NEGR1: variants seen among roughly 807,000 people sequenced by gnomAD.
NEGR1 encodes the protein neuronal growth regulator 1, also known as IgLON family member 4.
Under a neutral mutation model 40.9 loss-of-function variants are expected in NEGR1, and 10 were observed. That is an observed-to-expected ratio of 0.24 (90% CI 0.15 to 0.42). The LOEUF (loss-of-function observed/expected upper bound fraction) is 0.42, where lower values mean the gene tolerates loss of function less well. Ranked by LOEUF, NEGR1 falls within the 10% of genes least tolerant of loss-of-function variation. NEGR1 has a pLI of 1.00. For missense variants in NEGR1, 352 were observed against 438.9 expected (o/e 0.80, Z 1.77); for synonymous variants, 185 against 166.8 (o/e 1.11, Z -0.84).
intron 6 of NEGR1, among the ~76,000 whole-genome samples, chr1:71,430,111 A>G (rs943547939): frequency 4.6e-5 from 7 of 152,218 alleles, no homozygotes; most frequent in African/African-American, 1.7e-4. Flanking sequence ...CTGGTACTGC[A>G]GTATGGAAGA....
chr1:72,065,199 T>C (rs1353480853), intron 1 of NEGR1, among the ~76,000 whole-genome samples: 3 of 152,116 alleles, frequency 2.0e-5, no homozygotes, highest in Non-Finnish European at 4.4e-5. Context: ...TATTCATATG[T>C]ATATTTTGCA....
intron 2 of NEGR1, among the ~76,000 whole-genome samples, chr1:71,814,309 T>C (rs2101766779): frequency 6.6e-6 from 1 of 152,258 alleles, no homozygotes; most frequent in East Asian, 1.9e-4. Flanking sequence ...TGGATTCAGT[T>C]TGCAAGTATT....
intron 2 of NEGR1, among the ~76,000 whole-genome samples, chr1:71,830,982 G>A (rs894544873): frequency 6.6e-6 from 1 of 151,860 alleles, no homozygotes. Context: ...AGGAATTCTT[G>A]GAATATGTTA....
At chr1:71,572,969 G>A (rs184281740) in intron 6 of NEGR1, among the ~76,000 whole-genome samples, 97 of 152,276 alleles carry the variant, frequency 6.4e-4, no homozygotes, top group African/African-American at 1.9e-3. Flanking sequence ...CTGGATAAGC[G>A]TAGTTTAAGA....
At chr1:72,090,673 T>C (rs549773218) in intron 1 of NEGR1, among the ~76,000 whole-genome samples, 1 of 152,272 alleles carries the variant, frequency 6.6e-6, no homozygotes, top group African/African-American at 2.4e-5. Context: ...TTTGCTAAGC[T>C]TCCCTAATGA....
intron 1 of NEGR1, among the ~76,000 whole-genome samples, chr1:71,953,438 G>A (rs1475859552): frequency 3.9e-5 from 6 of 151,964 alleles, no homozygotes; most frequent in Admixed American, 2.6e-4. Flanking sequence ...AAAGAAAGTC[G>A]TTTCTTGAGA....
chr1:71,526,883 C>T (rs1484028763), intron 6 of NEGR1, among the ~76,000 whole-genome samples: 1 of 151,496 alleles, frequency 6.6e-6, no homozygotes, highest in East Asian at 2.0e-4. Flanking sequence ...CTTTCTCAGC[C>T]TCACTGCACT....
chr1:72,274,797 G>A, intron 1 of NEGR1: 1 of 1,455,506 alleles, frequency 6.9e-7, no homozygotes, highest in Non-Finnish European at 9.7e-7. Flanking sequence ...TAAAAGATCG[G>A]GTAGAAAAAG....
intron 6 of NEGR1, among the ~76,000 whole-genome samples, chr1:71,558,722 C>G (rs376721302): frequency 7.4e-6 from 1 of 134,314 alleles, no homozygotes; most frequent in Non-Finnish European, 1.6e-5. Context: ...TCTTTTCTTT[C>G]TTTTTTTTTT....
chr1:72,206,324 A>G (rs924602552), intron 1 of NEGR1, among the ~76,000 whole-genome samples: 1 of 152,074 alleles, frequency 6.6e-6, no homozygotes, highest in Non-Finnish European at 1.5e-5. Context: ...AAGAAAACAC[A>G]AATAACTTTA....
At chr1:71,881,390 G>A (rs187828918) in intron 2 of NEGR1, among the ~76,000 whole-genome samples, 31 of 152,106 alleles carry the variant, frequency 2.0e-4, no homozygotes, top group Non-Finnish European at 2.9e-4. Context: ...ACTTGTGTGC[G>A]AGCTCCCTAA....
intron 1 of NEGR1, among the ~76,000 whole-genome samples, chr1:71,950,512 T>A (rs527421024): frequency 1.3e-5 from 2 of 152,048 alleles, no homozygotes; most frequent in African/African-American, 4.8e-5. Context: ...CGATTTCCTA[T>A]GTAAAGAACT....
intron 1 of NEGR1, among the ~76,000 whole-genome samples, chr1:71,951,788 T>A (rs914095521): frequency 6.6e-6 from 1 of 151,948 alleles, no homozygotes; most frequent in Non-Finnish European, 1.5e-5. Context: ...GTGTCATTTT[T>A]CCAACAGCAT....
intron 6 of NEGR1, among the ~76,000 whole-genome samples, chr1:71,430,726 A>G (rs1248962124): frequency 2.3e-5 from 1 of 44,354 alleles, no homozygotes; most frequent in Non-Finnish European, 4.1e-5. Flanking sequence ...TTTTTTTTTG[A>G]GACGGAGTCT....
At chr1:71,654,843 T>C (rs1384095319) in intron 4 of NEGR1, among the ~76,000 whole-genome samples, 1 of 152,204 alleles carries the variant, frequency 6.6e-6, no homozygotes, top group Non-Finnish European at 1.5e-5. Context: ...GTCTGTCTAA[T>C]ATACAGCTTT....
chr1:71,486,915 T>A (rs1031528241), intron 6 of NEGR1: 2 of 151,580 alleles, frequency 1.3e-5, no homozygotes, highest in African/African-American at 4.8e-5. Flanking sequence ...CCTCTCACAG[T>A]GTTCCATACT....
intron 2 of NEGR1, among the ~76,000 whole-genome samples, chr1:71,837,388 T>C (rs1476245814): frequency 6.6e-6 from 1 of 152,146 alleles, no homozygotes; most frequent in Non-Finnish European, 1.5e-5. Context: ...GATTCAAATA[T>C]AGATCCCTCT....
chr1:71,544,647 A>G (rs1224943105), intron 6 of NEGR1, among the ~76,000 whole-genome samples: 1 of 151,718 alleles, frequency 6.6e-6, no homozygotes, highest in East Asian at 2.0e-4. Context: ...TCAACAGATT[A>G]TATACACTTT....
intron 1 of NEGR1, among the ~76,000 whole-genome samples, chr1:71,958,051 T>G (rs1166690749): frequency 6.6e-6 from 1 of 152,226 alleles, no homozygotes; most frequent in Admixed American, 6.5e-5. Context: ...TGAAGTTCCC[T>G]TTCTTATCAC....
Sources: gnomAD v4.1 joint callset for allele counts (sites outside exome capture counted in the v4.1 genomes callset) on GRCh38, gnomAD v4.1.1 for gene constraint, MANE v1.5 for transcripts, NCBI Gene and HGNC (gene_info 2026-07-23, HGNC 2026-07-21) for gene names.